Variants in LINGO2 observed in about 807,000 individuals in gnomAD.
LINGO2 encodes the protein leucine-rich repeat and immunoglobulin-like domain-containing nogo receptor-interacting protein 2.
A neutral mutation model predicts 30.6 loss-of-function variants in LINGO2; 14 were observed. That is an observed-to-expected ratio of 0.46 (90% CI 0.30 to 0.72). LINGO2 has a LOEUF of 0.72. LINGO2 is among the 30% of genes least tolerant of loss of function. The pLI is 0.07. For missense variants in LINGO2, 729 were observed against 751.7 expected (o/e 0.97, Z 0.35); for synonymous variants, 317 against 288.5 (o/e 1.10, Z -1.00).
chr9:28,269,102 C>A (rs571864636), intron 4 of LINGO2, among the ~76,000 whole-genome samples: 1 of 152,184 alleles, frequency 6.6e-6, no homozygotes, highest in East Asian at 1.9e-4. Flanking sequence ...AGAACTATCA[C>A]CTTCTCCCTT....
At chr9:28,781,359 C>T in the LINGO2 span, among the ~76,000 whole-genome samples, 76,551 of 151,984 alleles carry the variant, frequency 0.5, 20,738 homozygotes, top group African/African-American at 0.73. Context: ...GCATTCAAAT[C>T]ATAAGATTTT....
chr9:28,163,070 A>C (rs935749212), intron 4 of LINGO2, among the ~76,000 whole-genome samples: 5 of 152,192 alleles, frequency 3.3e-5, no homozygotes, highest in African/African-American at 1.2e-4. Context: ...AAGGTAAATT[A>C]GAAATTTAAA....
At chr9:28,664,404 T>C (rs1352212067) in intron 1 of LINGO2, among the ~76,000 whole-genome samples, 1 of 152,124 alleles carries the variant, frequency 6.6e-6, no homozygotes, top group African/African-American at 2.4e-5. Flanking sequence ...GAGAGACCTC[T>C]ACTACTCACT....
the LINGO2 span, among the ~76,000 whole-genome samples, chr9:28,740,900 T>C: frequency 1.3e-5 from 2 of 152,004 alleles, no homozygotes; most frequent in Non-Finnish European, 2.9e-5. Context: ...CATATCTAAC[T>C]GAATTGTATC....
the LINGO2 span, among the ~76,000 whole-genome samples, chr9:28,743,499 C>A: frequency 6.6e-6 from 1 of 151,952 alleles, no homozygotes; most frequent in Non-Finnish European, 1.5e-5. Flanking sequence ...CATGTCCCTG[C>A]AAGGGACATG....
intron 2 of LINGO2, among the ~76,000 whole-genome samples, chr9:28,416,955 T>C (rs759554308): frequency 6.6e-6 from 1 of 152,158 alleles, no homozygotes; most frequent in South Asian, 2.1e-4. Context: ...GGTACACATA[T>C]GCATTTATAT....
Position 28,573,845 on chromosome 9 carries a change from T to C in LINGO2, c.-365+96355A>G, listed in dbSNP as rs10968657. Among the ~76,000 whole-genome samples the C allele has an allele frequency of 3.1e-3, 476 of 152,248 alleles. 9 individuals carry two copies. The East Asian group carries it at 0.074, about 24-fold the overall frequency. On this transcript the variant is annotated intron_variant, in intron 1 of 5. Transcript: ENST00000379992. ...AGACTGCAAATCTTTTAAACACTCA[T>C]ATTTTGATGTTAAAATATTGCATAA...
At chr9:28,796,017 C>CACACAA in the LINGO2 span, among the ~76,000 whole-genome samples, 3 of 128,106 alleles carry the variant, frequency 2.3e-5, no homozygotes, top group Non-Finnish European at 1.7e-5. Context: ...CACACACACA[C>CACACAA]AATTCAGGAA....
the LINGO2 span, among the ~76,000 whole-genome samples, chr9:28,682,364 T>A: frequency 6.6e-5 from 10 of 152,144 alleles, no homozygotes; most frequent in Non-Finnish European, 1.5e-4. Context: ...TGTGGCCTTG[T>A]CAAATATTTG....
chr9:28,713,667 G>A, the LINGO2 span, among the ~76,000 whole-genome samples: 1 of 152,110 alleles, frequency 6.6e-6, no homozygotes, highest in Admixed American at 6.5e-5. Flanking sequence ...TGAGTAAGCA[G>A]TTTTGTGTGT....
intron 2 of LINGO2, among the ~76,000 whole-genome samples, chr9:28,459,869 C>A (rs1825006468): frequency 6.6e-6 from 1 of 152,006 alleles, no homozygotes; most frequent in South Asian, 2.1e-4. Flanking sequence ...TATCAAAAAT[C>A]AGTCTTCTGA....
intron 3 of LINGO2, among the ~76,000 whole-genome samples, chr9:28,298,548 T>C (rs1824013483): frequency 6.7e-6 from 1 of 149,910 alleles, no homozygotes; most frequent in African/African-American, 2.4e-5. Flanking sequence ...CTGGGAGTGG[T>C]GGTGCATGCC....
At chr9:28,828,359 T>C in the LINGO2 span, among the ~76,000 whole-genome samples, 1 of 152,210 alleles carries the variant, frequency 6.6e-6, no homozygotes, top group East Asian at 1.9e-4. Flanking sequence ...TTTTAGATAT[T>C]TTAATATATT....
intron 5 of LINGO2, among the ~76,000 whole-genome samples, chr9:27,956,144 T>C (rs1819559076): frequency 6.6e-6 from 1 of 152,168 alleles, no homozygotes; most frequent in South Asian, 2.1e-4. Flanking sequence ...TTTCTCCGTG[T>C]TGGTCAGGCT....
At chr9:28,716,691 A>G in the LINGO2 span, among the ~76,000 whole-genome samples, 2 of 152,124 alleles carry the variant, frequency 1.3e-5, no homozygotes, top group African/African-American at 4.8e-5. Context: ...TTTCTGGTAG[A>G]TAAGACAGAA....
At chr9:28,643,094 G>C (rs1827675018) in intron 1 of LINGO2, among the ~76,000 whole-genome samples, 1 of 151,962 alleles carries the variant, frequency 6.6e-6, no homozygotes. Context: ...AATCAATATT[G>C]ATAAAATCTC....
At chr9:28,744,634 G>T in the LINGO2 span, among the ~76,000 whole-genome samples, 2 of 142,368 alleles carry the variant, frequency 1.4e-5, no homozygotes, top group Non-Finnish European at 3.0e-5. Flanking sequence ...GTGTGTGTGT[G>T]TGTGTATTTT....
chr9:28,061,756 G>A (rs910483640), intron 4 of LINGO2, among the ~76,000 whole-genome samples: 7 of 151,874 alleles, frequency 4.6e-5, no homozygotes, highest in Admixed American at 2.6e-4. Flanking sequence ...TGACAGTAAC[G>A]CAAAATAGCA....
chr9:28,365,019 A>C (rs1480960125), intron 3 of LINGO2, among the ~76,000 whole-genome samples: 1 of 152,230 alleles, frequency 6.6e-6, no homozygotes, highest in Non-Finnish European at 1.5e-5. Context: ...ACCCACAAAA[A>C]CATAAATTAA....
Sources: allele counts gnomAD v4.1 joint callset (sites outside exome capture counted in the v4.1 genomes callset), GRCh38; gene constraint gnomAD v4.1.1; transcripts MANE v1.5; gene names NCBI Gene and HGNC (gene_info 2026-07-23, HGNC 2026-07-21).